TXNL4A: variants seen among roughly 807,000 people sequenced by gnomAD.
The protein encoded by TXNL4A is thioredoxin like 4A.
Under a neutral mutation model 14.6 loss-of-function variants are expected in TXNL4A, and 17 were observed. The ratio of observed to expected loss-of-function variants is 1.16; its 90% confidence interval spans 0.80 to 1.74. TXNL4A has a LOEUF of 1.74. Ranked by LOEUF, TXNL4A falls within the 40% of genes most tolerant of loss-of-function variation. The pLI, the probability that TXNL4A is intolerant of heterozygous loss-of-function variation, is 0.00. For synonymous variants in TXNL4A, 83 were observed against 70.6 expected (o/e 1.18, Z -0.88); for missense variants, 74 against 195.2 (o/e 0.38, Z 3.70).
chr18:80,033,639 G>T (rs1256998211), intron 1 of TXNL4A, among the ~76,000 whole-genome samples: 1 of 152,226 alleles, frequency 6.6e-6, no homozygotes, highest in Non-Finnish European at 1.5e-5. Context: ...TGCTTTGTGC[G>T]GCGCACCCGC....
intron 1 of TXNL4A, among the ~76,000 whole-genome samples, chr18:80,013,184 G>A (rs1383528097): frequency 2.7e-5 from 4 of 149,490 alleles, no homozygotes; most frequent in Admixed American, 6.7e-5. Flanking sequence ...ACAGTGGCGC[G>A]CGATCTTGGC....
intron 1 of TXNL4A, among the ~76,000 whole-genome samples, chr18:80,003,285 G>C (rs1315002749): frequency 6.6e-6 from 1 of 152,226 alleles, no homozygotes; most frequent in African/African-American, 2.4e-5. Flanking sequence ...GTACTTCAAG[G>C]TGTGTCCAGC....
intron 1 of TXNL4A, among the ~76,000 whole-genome samples, chr18:80,025,259 T>C (rs532320464): frequency 6.6e-6 from 1 of 152,268 alleles, no homozygotes; most frequent in South Asian, 2.1e-4. Flanking sequence ...ACCAGCAACT[T>C]AGAAATGCTA....
At chr18:80,005,045 T>C (rs997476844) in intron 1 of TXNL4A, among the ~76,000 whole-genome samples, 1 of 152,194 alleles carries the variant, frequency 6.6e-6, no homozygotes, top group East Asian at 1.9e-4. Context: ...TATGTGAAGT[T>C]CAAACACAGG....
chr18:79,994,279 G>A (rs529570200), intron 1 of TXNL4A, among the ~76,000 whole-genome samples: 2 of 151,804 alleles, frequency 1.3e-5, no homozygotes, highest in East Asian at 3.9e-4. Flanking sequence ...TGGAAAACGC[G>A]GGCACAAAAA....
At chr18:79,984,838 A>G (rs1405477302) in intron 1 of TXNL4A, among the ~76,000 whole-genome samples, 1 of 152,204 alleles carries the variant, frequency 6.6e-6, no homozygotes, top group Non-Finnish European at 1.5e-5. Context: ...CGTCCCATTC[A>G]GTCTTCTCAC....
rs1352070058 is a variant in TXNL4A at position 79,982,670 on chromosome 18, G to C, written c.154-4969C>G. Among the ~76,000 whole-genome samples, 1 of 152,202 alleles carries C rather than the reference G, an allele frequency of 6.6e-6. No homozygotes were observed. The highest frequency in any genetic ancestry group is 1.5e-5 in the Non-Finnish European group (1 of 68,030). On this transcript the variant is annotated intron_variant, in intron 1 of 2. Coordinates refer to ENST00000269601, the MANE Select transcript of TXNL4A (RefSeq NM_006701.5). This position sits in a 1 kb window ranked among gnomAD's most constrained non-coding sequence, Gnocchi z 4.0. Reference sequence around the variant, plus strand: ...GGGACACTGCAGGGGCTGAAGGACTGAGGAACAGAGGACTTCAGTGTGGAC... The same window carrying C: ...GGGACACTGCAGGGGCTGAAGGACTCAGGAACAGAGGACTTCAGTGTGGAC...
chr18:80,020,598 A>G (rs1198325684), intron 1 of TXNL4A, among the ~76,000 whole-genome samples: 3 of 152,208 alleles, frequency 2.0e-5, no homozygotes, highest in Non-Finnish European at 2.9e-5. Flanking sequence ...TTTTTGAGAC[A>G]TAAAGATTAA....
Position 79,973,649 on chromosome 18 carries a change from G to A in TXNL4A, c.*36C>T. 1 of 1,574,058 alleles carries A rather than the reference G, an allele frequency of 6.4e-7. No homozygotes were observed. Among genetic ancestry groups the A allele is most frequent in the Non-Finnish European group, 8.6e-7 (1 of 1,162,042 alleles). ...CTTAAAACGTTTCCATACAAAAAGGGCTCCACGACATTTATCCGCGCAGAC... is the reference window on the plus strand; with the variant it reads ...CTTAAAACGTTTCCATACAAAAAGGACTCCACGACATTTATCCGCGCAGAC... On this transcript the variant is annotated 3_prime_UTR_variant, in exon 3 of 3. Transcript: ENST00000269601.
intron 1 of TXNL4A, among the ~76,000 whole-genome samples, chr18:79,981,257 A>C (rs2145069213): frequency 6.6e-6 from 1 of 152,358 alleles, no homozygotes; most frequent in South Asian, 2.1e-4. Context: ...CAGGGTTGTA[A>C]ATTGTGTACT....
chr18:79,986,042 C>CT lies in TXNL4A; in HGVS notation c.153+2197dup, dbSNP rs10541649. 8.7e-3 allele frequency among the ~76,000 whole-genome samples: 1,280 copies of CT among 146,944 alleles called. 17 individuals carry two copies. Among genetic ancestry groups the CT allele is most frequent in the African/African-American group, 0.025 (1,007 of 40,124 alleles). ...TCTTTTAATGCATTTCAGGTGTGCACTTTTTTTTTTTTTGGAGACAGAGTC... is the reference window on the plus strand; with the variant it reads ...TCTTTTAATGCATTTCAGGTGTGCACTTTTTTTTTTTTTTGGAGACAGAGTC... On this transcript the variant is annotated intron_variant, in intron 1 of 2. Transcript: ENST00000269601.
upstream of TXNL4A, among the ~76,000 whole-genome samples, chr18:79,992,747 G>A (rs1599735929): frequency 6.6e-6 from 1 of 151,970 alleles, no homozygotes. Context: ...CTTTACAGGT[G>A]CAGTCATCCC....
rs2051593456 is a variant in TXNL4A at position 79,988,524 on chromosome 18, C to T, written c.-132G>A. On this transcript the variant is annotated 5_prime_UTR_variant, in exon 1 of 3. In the 5' UTR this introduces an upstream ATG that the reference lacks. Transcript: ENST00000269601. ...CGGACGAAATCCGGTCCCGCCCGCACACGCAAACTCCGCTGGGACTGCCAC... is the reference window on the plus strand; with the variant it reads ...CGGACGAAATCCGGTCCCGCCCGCATACGCAAACTCCGCTGGGACTGCCAC... 4 of 1,036,834 alleles carry T rather than the reference C, an allele frequency of 3.9e-6. No individual in the cohort carries two copies. Among genetic ancestry groups the T allele is most frequent in the Middle Eastern group, 3.6e-4 (1 of 2,774 alleles). 64.2% of individuals were successfully genotyped at this position (1,036,834 alleles called of 1,614,324 possible).
At chr18:79,977,872 C>G in intron 1 of TXNL4A, 171 bp from the exon 2 acceptor site, 1 of 594,030 alleles carries the variant, frequency 1.7e-6, no homozygotes, top group South Asian at 2.1e-5. Context: ...ATGGTGCAAT[C>G]AGCTCACTGC....
intron 1 of TXNL4A, among the ~76,000 whole-genome samples, chr18:80,003,269 TGAG>T (rs1469172025): frequency 1.3e-5 from 2 of 152,208 alleles, no homozygotes; most frequent in East Asian, 3.9e-4. Context: ...AGCAATGGCC[TGAG>T]GAGTACTTCA....
At chr18:80,025,972 ATGCTGCCAGAACCCAAATGCATT>A (rs1373902268) in intron 1 of TXNL4A, among the ~76,000 whole-genome samples, 1 of 152,256 alleles carries the variant, frequency 6.6e-6, no homozygotes, top group African/African-American at 2.4e-5. Flanking sequence ...AAATCCAGCA[ATGCTGCCAGAACCCAAATGCATT>A]AGTTTTAGAT....
intron 1 of TXNL4A, among the ~76,000 whole-genome samples, chr18:80,002,207 A>C (rs1182487665): frequency 6.6e-6 from 1 of 152,172 alleles, no homozygotes; most frequent in African/African-American, 2.4e-5. Flanking sequence ...GAAGCCTCAC[A>C]AAACATGCAA....
intron 1 of TXNL4A, among the ~76,000 whole-genome samples, chr18:79,984,131 A>G (rs2051507428): frequency 6.6e-6 from 1 of 152,082 alleles, no homozygotes; most frequent in African/African-American, 2.4e-5. Flanking sequence ...AACACCAAAA[A>G]TATCCATTCT....
intron 1 of TXNL4A, among the ~76,000 whole-genome samples, chr18:79,987,102 C>T (rs1003319647): frequency 1.3e-5 from 2 of 152,194 alleles, no homozygotes; most frequent in African/African-American, 2.4e-5. Flanking sequence ...AAGGTCAAGT[C>T]GCATCAGAAT....
Sources: gnomAD v4.1 joint callset for allele counts (sites outside exome capture counted in the v4.1 genomes callset) on GRCh38, gnomAD v4.1.1 for gene constraint, Gnocchi (gnomAD v3.1) non-coding constraint, MANE v1.5 for transcripts, NCBI Gene and HGNC (gene_info 2026-07-23, HGNC 2026-07-21) for gene names.